The following RNF128 variants were observed in gnomAD, a reference collection of about 807,000 sequenced individuals.
RNF128 encodes ring finger protein 128, also known as E3 ubiquitin-protein ligase RNF128.
RNF128 carries 13 observed loss-of-function variants against 26.2 expected under a neutral mutation model. The ratio of observed to expected loss-of-function variants is 0.50; its 90% CI spans 0.32 to 0.79. The LOEUF (loss-of-function observed/expected upper bound fraction) is 0.79. RNF128 is among the 30% of genes least tolerant of loss of function. RNF128 has a pLI of 0.03. For synonymous variants in RNF128, 149 were observed against 142.5 expected (o/e 1.05, Z -0.32); for missense variants, 315 against 349.7 (o/e 0.90, Z 0.79).
intron 1 of RNF128, among the ~76,000 whole-genome samples, chrX:106,761,538 T>C (rs1361145878): frequency 9.0e-6 from 1 of 110,974 alleles, no homozygotes; most frequent in Non-Finnish European, 1.9e-5. Context: ...TAAATGCCCA[T>C]CAATGGTGGA....
intron 1 of RNF128, among the ~76,000 whole-genome samples, chrX:106,754,986 G>C (rs1929974626): frequency 9.0e-6 from 1 of 111,198 alleles, no homozygotes; most frequent in Admixed American, 9.6e-5. Flanking sequence ...ATGAAAAGTT[G>C]TTTTCTTTAA....
rs148510460 is a variant in RNF128, at chrX:106,734,727, A to G, written c.484+7330A>G. On this transcript the variant is annotated intron_variant, in intron 1 of 6. Transcript: ENST00000255499. ...CGCCCTGCTCAAGGAATAAAATAGT[A>G]CCAAACTCCAGAAGAGCACCTCACG... Among the ~76,000 whole-genome samples, 271 of 112,254 alleles carry G rather than the reference A, an allele frequency of 2.4e-3. 2 individuals carry two copies. The East Asian group carries it at 0.039, about 16-fold the overall frequency.
intron 2 of RNF128, among the ~76,000 whole-genome samples, chrX:106,776,531 A>G (rs1017252579): frequency 8.9e-6 from 1 of 112,070 alleles, no homozygotes; most frequent in Admixed American, 9.5e-5. Flanking sequence ...GACCCAACAC[A>G]TAATGCTAGA....
chrX:106,719,325 A>T (rs1472267036), intron 1 of RNF128, among the ~76,000 whole-genome samples: 2 of 109,977 alleles, frequency 1.8e-5, no homozygotes, highest in Admixed American at 9.7e-5. Flanking sequence ...GGTTCAAGTG[A>T]TTCTCCTGTC....
intron 1 of RNF128, among the ~76,000 whole-genome samples, chrX:106,756,551 C>T (rs1185776614): frequency 3.9e-4 from 43 of 109,064 alleles, no homozygotes; most frequent in African/African-American, 9.2e-4. Flanking sequence ...AAGCTGAAAC[C>T]GGATCCCTTC....
chrX:106,743,903 C>G (rs1929746613), intron 1 of RNF128, among the ~76,000 whole-genome samples: 1 of 111,874 alleles, frequency 8.9e-6, no homozygotes, highest in Admixed American at 9.5e-5. Flanking sequence ...CACATATACA[C>G]CATGGAATAC....
intron 1 of RNF128, among the ~76,000 whole-genome samples, chrX:106,710,641 C>T (rs1031835106): frequency 9.3e-6 from 1 of 107,422 alleles, no homozygotes; most frequent in African/African-American, 3.4e-5. Flanking sequence ...CCTGTAATCC[C>T]GTCTACTGGG....
intron 2 of RNF128, among the ~76,000 whole-genome samples, chrX:106,774,713 A>G (rs1186087368): frequency 8.9e-6 from 1 of 111,927 alleles, no homozygotes; most frequent in Non-Finnish European, 1.9e-5. Flanking sequence ...TCCTCCCTTC[A>G]GGTATTCTCA....
chrX:106,735,460 C>A (rs1929579644), intron 1 of RNF128, among the ~76,000 whole-genome samples: 1 of 111,552 alleles, frequency 9.0e-6, no homozygotes, highest in Admixed American at 9.5e-5. Context: ...AGAAAATGCA[C>A]CATAATGTTA....
intron 2 of RNF128, among the ~76,000 whole-genome samples, chrX:106,778,197 A>G (rs1485805117): frequency 9.0e-6 from 1 of 111,368 alleles, no homozygotes; most frequent in Non-Finnish European, 1.9e-5. Context: ...GTCAGTGCCT[A>G]TAACTGCCAT....
At chrX:106,717,701 C>T (rs759948977) in intron 1 of RNF128, among the ~76,000 whole-genome samples, 2 of 112,102 alleles carry the variant, frequency 1.8e-5, no homozygotes, top group East Asian at 5.6e-4. Flanking sequence ...ATGATAGTTA[C>T]TGCTTACAAT....
At chrX:106,722,772 G>C (rs1415816307), upstream of RNF128, among the ~76,000 whole-genome samples, 1 of 111,745 alleles carries the variant, frequency 8.9e-6, no homozygotes, top group Non-Finnish European at 1.9e-5. Context: ...AAGTGGACCA[G>C]ATACTAGTGT....
chrX:106,795,519 A>C, intron 6 of RNF128, 61 bp from the exon 7 acceptor site: 1 of 1,073,904 alleles, frequency 9.3e-7, no homozygotes, highest in Admixed American at 2.9e-5. Flanking sequence ...GTAAATGTTG[A>C]ATTTTGTCTT....
chrX:106,760,877 A>C (rs1930108645), intron 1 of RNF128, among the ~76,000 whole-genome samples: 1 of 112,045 alleles, frequency 8.9e-6, no homozygotes, highest in African/African-American at 3.2e-5. Context: ...AAGTGCCAAA[A>C]GCAATTGCAA....
rs190344587 is a variant in RNF128 at position 106,695,903 on chromosome X, T to C, written c.406+1495T>C. Among the ~76,000 whole-genome samples, 20 of 111,583 alleles carry C rather than the reference T, an allele frequency of 1.8e-4. No individual in the cohort carries two copies. In the Admixed American group the frequency reaches 1.8e-3, roughly 10 times the overall value. Reference sequence around the variant, plus strand: ...TTTTCAAAACTTTCTTTGCAACCTGTATTAGGGACCAATATCTAGTAGAAT... The same window carrying C: ...TTTTCAAAACTTTCTTTGCAACCTGCATTAGGGACCAATATCTAGTAGAAT... On this transcript the variant is annotated intron_variant, in intron 1 of 6. Coordinates refer to the RNF128 transcript ENST00000324342.
intron 1 of RNF128, among the ~76,000 whole-genome samples, chrX:106,734,854 T>C (rs1016016697): frequency 8.9e-6 from 1 of 111,932 alleles, no homozygotes; most frequent in African/African-American, 3.2e-5. Flanking sequence ...CCCACAGAAA[T>C]ATTCTCCTCT....
chrX:106,790,372 A>G lies in RNF128; in HGVS notation c.984+90A>G, dbSNP rs775280261. The G allele has an allele frequency of 1.1e-4, 59 of 555,953 alleles. No homozygotes were observed. In the African/African-American group the frequency reaches 1.3e-3, roughly 12 times the overall value. 45.8% of individuals were successfully genotyped at this position (555,953 alleles called of 1,213,427 possible). On this transcript the variant is annotated intron_variant, in intron 5 of 6. Coordinates refer to ENST00000255499, the MANE Select transcript of RNF128 (RefSeq NM_194463.2). ...AACATCCTTATTTTTTCGCTATGTA[A>G]TACACCATACTTATAGTTTATACCT...
At chrX:106,752,394 C>T (rs760789933) in intron 1 of RNF128, among the ~76,000 whole-genome samples, 1 of 112,481 alleles carries the variant, frequency 8.9e-6, no homozygotes, top group South Asian at 3.7e-4. Context: ...GAGAACAACA[C>T]ATTCTGCCTG....
intron 1 of RNF128, among the ~76,000 whole-genome samples, chrX:106,700,564 A>T (rs1348343285): frequency 8.9e-6 from 1 of 111,885 alleles, no homozygotes; most frequent in Non-Finnish European, 1.9e-5. Context: ...TGTATTTTTT[A>T]AATTGTTTTT....
Sources: allele counts gnomAD v4.1 joint callset (sites outside exome capture counted in the v4.1 genomes callset), GRCh38; gene constraint gnomAD v4.1.1; transcripts MANE v1.5; gene names NCBI Gene and HGNC (gene_info 2026-07-23, HGNC 2026-07-21).